Variants in KIF16B observed in about 807,000 individuals in gnomAD.
KIF16B encodes the protein kinesin family member 16B, also known as kinesin-like protein KIF16B.
Under a neutral mutation model 156.3 loss-of-function variants are expected in KIF16B, and 98 were observed. That is an observed-to-expected ratio of 0.63 (90% CI 0.53 to 0.74). KIF16B has a LOEUF of 0.74. Among genes scored for constraint, KIF16B ranks in the 30% least tolerant of loss-of-function variants. The pLI is 0.00. For missense variants in KIF16B, 1,421 were observed against 1,606.5 expected (o/e 0.88, Z 1.97); for synonymous variants, 564 against 583.7 (o/e 0.97, Z 0.49).
intron 22 of KIF16B, among the ~76,000 whole-genome samples, chr20:16,364,180 C>T (rs1372065837): frequency 1.3e-5 from 2 of 152,312 alleles, no homozygotes; most frequent in East Asian, 3.9e-4. Context: ...CAGGGAGACA[C>T]ACTGTTTTGA....
chr20:16,289,471 C>CT lies in KIF16B; in HGVS notation c.3796-16061dup, dbSNP rs550964314. ...AAGTAAAAGCAAGAATTTGAAATGG[C>CT]TTTTTTCCAAATCACCTCATATCAG... is the stretch of plus-strand genomic sequence containing the variant. On this transcript the variant is annotated intron_variant, in intron 25 of 25. Coordinates refer to ENST00000354981, the MANE Select transcript of KIF16B (RefSeq NM_024704.5). 3.9e-5 allele frequency among the ~76,000 whole-genome samples: 6 copies of CT among 152,292 alleles called. No individual in the cohort carries two copies. The South Asian group carries it at 1.2e-3, about 32-fold the overall frequency.
intron 15 of KIF16B, among the ~76,000 whole-genome samples, chr20:16,425,691 T>C (rs1600364738): frequency 6.6e-6 from 1 of 152,104 alleles, no homozygotes; most frequent in South Asian, 2.1e-4. Flanking sequence ...AAAGTGAACA[T>C]CATCAGTCAC....
intron 17 of KIF16B, among the ~76,000 whole-genome samples, chr20:16,393,714 T>C (rs1243776857): frequency 2.0e-5 from 3 of 152,226 alleles, no homozygotes; most frequent in Non-Finnish European, 4.4e-5. Flanking sequence ...AATCACCAAC[T>C]ACTTAAAGTG....
chr20:16,429,807 T>C (rs546305939), intron 13 of KIF16B, 56 bp downstream of exon 13: 2 of 1,454,870 alleles, frequency 1.4e-6, no homozygotes, highest in African/African-American at 1.4e-5. Context: ...ACCTAGTTAG[T>C]GTCTAATGGA....
chr20:16,513,001 T>C lies in KIF16B; in HGVS notation c.349-78A>G, dbSNP rs2069007304. On this transcript the variant is annotated intron_variant, in intron 4 of 25. Coordinates refer to ENST00000354981, the MANE Select transcript of KIF16B (RefSeq NM_024704.5). The stretch of plus-strand genomic sequence containing the variant: ...TGACTGAATTTGCAATTTGCTGGCA[T>C]GAAGTTAGACTCAAGTGACCTGTAT... 4.6e-6 allele frequency: 5 copies of C among 1,087,644 alleles called. No individual in the cohort carries two copies. In the Middle Eastern group the frequency reaches 5.9e-4, roughly 129 times the overall value. 67.4% of individuals were successfully genotyped at this position (1,087,644 alleles called of 1,614,324 possible).
rs369367880 is a variant in KIF16B, at chr20:16,378,767, C to A, written c.3197+38G>T. 4 of 1,528,906 alleles carry A rather than the reference C, an allele frequency of 2.6e-6. No individual in the cohort carries two copies. The South Asian group carries it at 5.2e-5, about 20-fold the overall frequency. The allele number at this position is 1,528,906 out of a possible 1,614,324, so 94.7% of individuals were successfully genotyped here. A position where few individuals can be genotyped will look rare whatever the true frequency, so the allele number is the denominator to read the frequency against. On this transcript the variant is annotated intron_variant, in intron 19 of 25. Coordinates refer to ENST00000354981, the MANE Select transcript of KIF16B (RefSeq NM_024704.5). Reference sequence around the variant, plus strand: ...GAGTGAAAAATGAGCACTCATTTGGCACCCACTGTATGCCACACCCTTCCT... The same window carrying A: ...GAGTGAAAAATGAGCACTCATTTGGAACCCACTGTATGCCACACCCTTCCT...
intron 17 of KIF16B, among the ~76,000 whole-genome samples, chr20:16,394,590 G>A (rs2065447539): frequency 6.6e-6 from 1 of 152,160 alleles, no homozygotes; most frequent in Non-Finnish European, 1.5e-5. Flanking sequence ...TTGAAAAATG[G>A]TAAGGCCCAA....
chr20:16,572,429 C>A (rs1242417126), intron 1 of KIF16B, among the ~76,000 whole-genome samples: 1 of 151,708 alleles, frequency 6.6e-6, no homozygotes, highest in Non-Finnish European at 1.5e-5. Flanking sequence ...CCTTGCCTGT[C>A]ACCTTGGAGG....
At chr20:16,506,693 C>T (rs1350263641) in intron 7 of KIF16B, among the ~76,000 whole-genome samples, 1 of 150,358 alleles carries the variant, frequency 6.7e-6, no homozygotes, top group Non-Finnish European at 1.5e-5. Context: ...CTGAATTCTA[C>T]CAAAATTTTA....
At chr20:16,368,523 G>T in intron 22 of KIF16B, 1 of 986,084 alleles carries the variant, frequency 1.0e-6, no homozygotes, top group Non-Finnish European at 1.2e-6. Flanking sequence ...TGGCTTGGCT[G>T]ATCACCTTTG....
rs535654442 is a variant in KIF16B, at chr20:16,375,300, T to A, written c.3198-891A>T. Among the ~76,000 whole-genome samples the A allele has an allele frequency of 4.6e-5, 7 of 152,310 alleles. No homozygotes were observed. The South Asian group carries it at 1.5e-3, about 32-fold the overall frequency. On this transcript the variant is annotated intron_variant, in intron 19 of 25. Transcript: ENST00000354981. ...TTTCTTCATGGATCAAATGAGAGCG[T>A]CAACTAATCTCCCTCAATTCCTTCA...
chr20:16,454,998 G>A (rs890470536), intron 12 of KIF16B, among the ~76,000 whole-genome samples: 2 of 152,146 alleles, frequency 1.3e-5, no homozygotes, highest in African/African-American at 4.8e-5. Flanking sequence ...TTACAAGTTT[G>A]TATAGGGACA....
chr20:16,415,230 G>T (rs1417747632), intron 15 of KIF16B, among the ~76,000 whole-genome samples: 1 of 152,100 alleles, frequency 6.6e-6, no homozygotes, highest in Non-Finnish European at 1.5e-5. Context: ...TACACAATTG[G>T]TCAAGCTATT....
chr20:16,284,789 G>C (rs1175264383), intron 25 of KIF16B, among the ~76,000 whole-genome samples: 1 of 152,146 alleles, frequency 6.6e-6, no homozygotes, highest in African/African-American at 2.4e-5. Flanking sequence ...ACATATGGCA[G>C]AAAAACAGGC....
chr20:16,286,984 G>A (rs1004376630), intron 25 of KIF16B, among the ~76,000 whole-genome samples: 49 of 152,332 alleles, frequency 3.2e-4, no homozygotes, highest in African/African-American at 1.0e-3. Flanking sequence ...CATAAGTGGC[G>A]TGTCTTGATA....
intron 14 of KIF16B, 147 bp downstream of exon 14, chr20:16,428,806 T>C: frequency 1.6e-6 from 1 of 628,920 alleles, no homozygotes; most frequent in Non-Finnish European, 2.8e-6. Flanking sequence ...TATACACACA[T>C]ATATATACGT....
At chr20:16,398,012 C>T (rs2065555001) in intron 17 of KIF16B, among the ~76,000 whole-genome samples, 1 of 152,234 alleles carries the variant, frequency 6.6e-6, no homozygotes, top group African/African-American at 2.4e-5. Flanking sequence ...AAGAAGCCTA[C>T]ATCAATTAAA....
chr20:16,320,522 A>G (rs2063758347), intron 24 of KIF16B, among the ~76,000 whole-genome samples: 2 of 152,208 alleles, frequency 1.3e-5, no homozygotes, highest in African/African-American at 4.8e-5. Context: ...AAGCACAATA[A>G]AAACAGATTA....
intron 12 of KIF16B, among the ~76,000 whole-genome samples, chr20:16,486,075 G>T (rs563812405): frequency 6.6e-6 from 1 of 152,098 alleles, no homozygotes; most frequent in African/African-American, 2.4e-5. Flanking sequence ...TTTTAGGCCC[G>T]TTTTGTTAGA....
Sources: gnomAD v4.1 joint callset for allele counts (sites outside exome capture counted in the v4.1 genomes callset) on GRCh38, gnomAD v4.1.1 for gene constraint, MANE v1.5 for transcripts, NCBI Gene and HGNC (gene_info 2026-07-23, HGNC 2026-07-21) for gene names.